CACNA2D3: variants seen among roughly 807,000 people sequenced by gnomAD.
CACNA2D3 encodes the protein calcium voltage-gated channel auxiliary subunit alpha2delta 3, also known as voltage-dependent calcium channel subunit alpha-2/delta-3.
A neutral mutation model predicts 160.6 loss-of-function variants in CACNA2D3; 60 were observed. The observed-to-expected ratio is 0.37, with a 90% CI of 0.30 to 0.46. CACNA2D3 has a LOEUF of 0.46. Ranked by LOEUF, CACNA2D3 falls within the 20% of genes least tolerant of loss-of-function variation. The pLI is 1.00. For missense variants in CACNA2D3, 1,205 were observed against 1,365.0 expected (o/e 0.88, Z 1.85); for synonymous variants, 558 against 492.9 (o/e 1.13, Z -1.75).
intron 27 of CACNA2D3, among the ~76,000 whole-genome samples, chr3:54,914,966 T>C (rs4642090): frequency 0.11 from 17,171 of 152,146 alleles, 981 homozygotes; most frequent in Middle Eastern, 0.15. Flanking sequence ...GAAATTAGTT[T>C]AACCACTTCC....
Position 54,485,887 on chromosome 3 carries a change from C to T in CACNA2D3, c.382-17605C>T, listed in dbSNP as rs148199946. ...TGCAGCTTTTAAAGTCTCTGACAGA[C>T]TAACAGTGACCCCCCAACAGCCCCT... On this transcript the variant is annotated intron_variant, in intron 4 of 37. Transcript: ENST00000474759. Among the ~76,000 whole-genome samples, 884 of 152,282 alleles carry T rather than the reference C, an allele frequency of 5.8e-3. 2 individuals are homozygous for T. Among genetic ancestry groups the T allele is most frequent in the Non-Finnish European group, 8.7e-3 (589 of 68,008 alleles).
At chr3:54,536,024 A>G (rs1357732588) in intron 5 of CACNA2D3, among the ~76,000 whole-genome samples, 1 of 152,234 alleles carries the variant, frequency 6.6e-6, no homozygotes, top group African/African-American at 2.4e-5. Flanking sequence ...TTTCACTGCT[A>G]AGAGCTATTT....
At chr3:54,719,834 A>G (rs1701136502) in intron 11 of CACNA2D3, among the ~76,000 whole-genome samples, 1 of 152,048 alleles carries the variant, frequency 6.6e-6, no homozygotes, top group Non-Finnish European at 1.5e-5. Context: ...ATGGAAGACT[A>G]TTCTGACTTT....
At chr3:54,285,131 C>G (rs539813046) in intron 2 of CACNA2D3, among the ~76,000 whole-genome samples, 6 of 152,278 alleles carry the variant, frequency 3.9e-5, no homozygotes, top group Non-Finnish European at 8.8e-5. Context: ...CAGGACGAGG[C>G]ATTGTCTCAC....
At chr3:54,652,512 G>A (rs963593408) in intron 11 of CACNA2D3, among the ~76,000 whole-genome samples, 1 of 152,176 alleles carries the variant, frequency 6.6e-6, no homozygotes, top group Non-Finnish European at 1.5e-5. Context: ...TGGCCAAGAC[G>A]AGCCTCTTGG....
chr3:54,902,930 CAATA>C (rs1449883922), intron 27 of CACNA2D3, among the ~76,000 whole-genome samples: 2 of 152,164 alleles, frequency 1.3e-5, no homozygotes, highest in African/African-American at 4.8e-5. Context: ...TTCATTCATT[CAATA>C]AATAAATATT....
intron 4 of CACNA2D3, among the ~76,000 whole-genome samples, chr3:54,414,679 T>G (rs1699725570): frequency 6.6e-6 from 1 of 152,044 alleles, no homozygotes; most frequent in African/African-American, 2.4e-5. Flanking sequence ...ACAACATTTT[T>G]TTTTCTATTG....
intron 13 of CACNA2D3, among the ~76,000 whole-genome samples, chr3:54,794,866 C>A (rs1702836630): frequency 6.6e-6 from 1 of 151,894 alleles, no homozygotes; most frequent in Non-Finnish European, 1.5e-5. Flanking sequence ...TTACACAGTG[C>A]CTTGGTATTG....
intron 4 of CACNA2D3, among the ~76,000 whole-genome samples, chr3:54,497,688 G>A (rs533441602): frequency 6.6e-6 from 1 of 151,992 alleles, no homozygotes; most frequent in Non-Finnish European, 1.5e-5. Context: ...GATCTTAGGG[G>A]GAAAACATTC....
In CACNA2D3 at chr3:54,667,821, C is replaced by T. The variant is rs1700093372; in HGVS notation, c.1167+25580C>T. Among the ~76,000 whole-genome samples, 2 of 151,920 alleles carry T rather than the reference C, an allele frequency of 1.3e-5. 1 individual carries two copies. Among genetic ancestry groups the T allele is most frequent in the South Asian group, 4.2e-4 (2 of 4,802 alleles). On this transcript the variant is annotated intron_variant, in intron 11 of 37. Coordinates refer to ENST00000474759, the MANE Select transcript of CACNA2D3 (RefSeq NM_018398.3). Reference sequence around the variant, plus strand: ...AAAAAGCCAGGCATGGTGGTGCATGCCTGTTCTCCCAGCTACTTGAGAGGC... The same window carrying T: ...AAAAAGCCAGGCATGGTGGTGCATGTCTGTTCTCCCAGCTACTTGAGAGGC...
At chr3:54,234,392 C>T (rs1484377418) in intron 2 of CACNA2D3, among the ~76,000 whole-genome samples, 1 of 152,178 alleles carries the variant, frequency 6.6e-6, no homozygotes, top group Admixed American at 6.5e-5. Flanking sequence ...AAAGGAAGCA[C>T]TTATACACTG....
intron 12 of CACNA2D3, among the ~76,000 whole-genome samples, chr3:54,757,468 C>T (rs988814795): frequency 1.3e-5 from 2 of 152,162 alleles, no homozygotes; most frequent in Admixed American, 6.5e-5. Context: ...GATAGCTTCA[C>T]ATTTATGAGG....
At chr3:54,480,228 C>G (rs2106897844) in intron 4 of CACNA2D3, among the ~76,000 whole-genome samples, 1 of 152,240 alleles carries the variant, frequency 6.6e-6, no homozygotes, top group South Asian at 2.1e-4. Context: ...TAAAGGTGTG[C>G]TACAGGTGTT....
chr3:54,316,867 A>G (rs1703876219), intron 2 of CACNA2D3, among the ~76,000 whole-genome samples: 1 of 152,222 alleles, frequency 6.6e-6, no homozygotes. Flanking sequence ...GGTAACAGAT[A>G]TGGCCAGAAT....
At chr3:54,800,449 C>A (rs1702959544) in intron 13 of CACNA2D3, among the ~76,000 whole-genome samples, 1 of 152,164 alleles carries the variant, frequency 6.6e-6, no homozygotes. Context: ...GGATGATCAC[C>A]CACAATAAGG....
At chr3:54,363,500 T>G (rs985376746) in intron 3 of CACNA2D3, among the ~76,000 whole-genome samples, 1 of 152,120 alleles carries the variant, frequency 6.6e-6, no homozygotes, top group African/African-American at 2.4e-5. Flanking sequence ...TTTAATAACT[T>G]CTTCTGGTCA....
At chr3:54,784,305 G>A (rs984709691) in intron 13 of CACNA2D3, among the ~76,000 whole-genome samples, 38 of 152,322 alleles carry the variant, frequency 2.5e-4, no homozygotes, top group Non-Finnish European at 2.1e-4. Context: ...TCGTGCTGGA[G>A]GCCTTCCAGG....
At position 54,251,025 on chromosome 3, in the gene CACNA2D3, G is replaced by A. The variant is rs76953449; in HGVS notation, c.205-69417G>A. On this transcript the variant is annotated intron_variant, in intron 2 of 37. Coordinates refer to ENST00000474759, the MANE Select transcript of CACNA2D3 (RefSeq NM_018398.3). ...CAGCGGGTGCAAAAGCTCCGAGGCA[G>A]CACTAGCCTACAGACTATGAGCACA... 3.0e-3 allele frequency among the ~76,000 whole-genome samples: 460 copies of A among 152,278 alleles called. 5 individuals are homozygous for A. Among genetic ancestry groups the A allele is most frequent in the African/African-American group, 0.011 (446 of 41,556 alleles).
At chr3:54,877,901 G>A (rs1699700605) in intron 18 of CACNA2D3, among the ~76,000 whole-genome samples, 1 of 152,154 alleles carries the variant, frequency 6.6e-6, no homozygotes, top group African/African-American at 2.4e-5. Flanking sequence ...AAGTTAGAAA[G>A]TAGACTTAAT....
Sources: gnomAD v4.1 joint callset for allele counts (sites outside exome capture counted in the v4.1 genomes callset) on GRCh38, gnomAD v4.1.1 for gene constraint, MANE v1.5 for transcripts, NCBI Gene and HGNC (gene_info 2026-07-23, HGNC 2026-07-21) for gene names.